The following ADAMTS6 variants were observed in gnomAD, a reference collection of about 807,000 sequenced individuals.
ADAMTS6 encodes the protein ADAM metallopeptidase with thrombospondin type 1 motif 6, also known as A disintegrin and metalloproteinase with thrombospondin motifs 6.
Under a neutral mutation model 144.3 loss-of-function variants are expected in ADAMTS6, and 23 were observed. That is an observed-to-expected ratio of 0.16 (90% CI 0.11 to 0.23). ADAMTS6 has a LOEUF of 0.23. ADAMTS6 is among the 10% of genes least tolerant of loss of function. The pLI, the probability that ADAMTS6 is intolerant of heterozygous loss-of-function variation, is 1.00. For missense variants in ADAMTS6, 999 were observed against 1,379.6 expected (o/e 0.72, Z 4.37); for synonymous variants, 444 against 457.5 (o/e 0.97, Z 0.38).
intron 9 of ADAMTS6, among the ~76,000 whole-genome samples, chr5:65,319,791 A>G (rs1170186851): frequency 6.6e-6 from 1 of 150,698 alleles, no homozygotes; most frequent in Non-Finnish European, 1.5e-5. Context: ...GAAGGAAGAG[A>G]GGAAGGAAAT....
At chr5:65,186,210 A>G (rs1400736807) in intron 22 of ADAMTS6, among the ~76,000 whole-genome samples, 3 of 152,034 alleles carry the variant, frequency 2.0e-5, no homozygotes, top group Non-Finnish European at 2.9e-5. Context: ...ATACCCCTCC[A>G]TATTCAGCTT....
chr5:65,369,648 G>A (rs1404624873), intron 7 of ADAMTS6, among the ~76,000 whole-genome samples: 1 of 151,530 alleles, frequency 6.6e-6, no homozygotes, highest in Non-Finnish European at 1.5e-5. Context: ...CACTCATATA[G>A]CCTTATGATA....
intron 20 of ADAMTS6, among the ~76,000 whole-genome samples, chr5:65,202,407 C>G (rs902040057): frequency 3.3e-5 from 5 of 152,156 alleles, no homozygotes; most frequent in African/African-American, 7.2e-5. Context: ...TAAGAGTAAT[C>G]TTTTCCATAT....
chr5:65,480,856 T>C (rs1018700905), intron 1 of ADAMTS6, among the ~76,000 whole-genome samples: 1 of 152,278 alleles, frequency 6.6e-6, no homozygotes, highest in Non-Finnish European at 1.5e-5. Flanking sequence ...GGGCTACAGC[T>C]AGCACATTAA....
chr5:65,307,476 C>T (rs779271809), intron 9 of ADAMTS6, among the ~76,000 whole-genome samples: 2 of 152,202 alleles, frequency 1.3e-5, no homozygotes, highest in African/African-American at 2.4e-5. Context: ...ACCTAATCAA[C>T]AGTCTCTTAT....
At chr5:65,412,816 G>A (rs1755160759) in intron 7 of ADAMTS6, among the ~76,000 whole-genome samples, 1 of 152,078 alleles carries the variant, frequency 6.6e-6, no homozygotes, top group African/African-American at 2.4e-5. Context: ...AGCAGTTGAA[G>A]TAATTGAAAA....
intron 1 of ADAMTS6, among the ~76,000 whole-genome samples, chr5:65,479,144 T>C (rs1761037031): frequency 6.6e-6 from 1 of 152,228 alleles, no homozygotes; most frequent in African/African-American, 2.4e-5. Context: ...TTGGTCTCCA[T>C]GGAAGAAACA....
At chr5:65,262,111 C>T (rs1172549524) in intron 13 of ADAMTS6, among the ~76,000 whole-genome samples, 8 of 152,180 alleles carry the variant, frequency 5.3e-5, no homozygotes, top group Non-Finnish European at 7.4e-5. Context: ...CTAGAGGAAC[C>T]GTTCACCTGT....
In ADAMTS6 at chr5:65,365,512, T is replaced by C. The variant is rs895616667; in HGVS notation, c.1074-31427A>G. 2.6e-5 allele frequency among the ~76,000 whole-genome samples: 4 copies of C among 152,038 alleles called. No individual in the cohort carries two copies. The South Asian group carries it at 6.2e-4, about 24-fold the overall frequency. On this transcript the variant is annotated intron_variant, in intron 7 of 24. Coordinates refer to ENST00000381055, the MANE Select transcript of ADAMTS6 (RefSeq NM_197941.4). ...AACACAAAAAATTAGCCAGTCATGG[T>C]GGCACATGCCTGTAATCTCAGTTAC... is the stretch of plus-strand genomic sequence containing the variant.
chr5:65,327,836 A>G (rs1013114506), intron 9 of ADAMTS6, among the ~76,000 whole-genome samples: 3 of 152,212 alleles, frequency 2.0e-5, no homozygotes, highest in Admixed American at 1.3e-4. Context: ...TTGTGACTAC[A>G]TAAGATAATA....
chr5:65,239,526 T>C (rs1580154341), intron 15 of ADAMTS6, among the ~76,000 whole-genome samples: 1 of 151,980 alleles, frequency 6.6e-6, no homozygotes, highest in East Asian at 1.9e-4. Context: ...CAAAACACAA[T>C]GACCAGAAAG....
At chr5:65,464,212 A>T (rs1759830119) in intron 3 of ADAMTS6, among the ~76,000 whole-genome samples, 1 of 152,220 alleles carries the variant, frequency 6.6e-6, no homozygotes, top group African/African-American at 2.4e-5. Flanking sequence ...CTAAGGGTGA[A>T]ACCTAAGGAC....
intron 11 of ADAMTS6, among the ~76,000 whole-genome samples, chr5:65,288,787 T>C (rs150191569): frequency 7.0e-4 from 107 of 152,330 alleles, no homozygotes; most frequent in African/African-American, 2.4e-3. Flanking sequence ...ATGCTACACT[T>C]AGACAGCTAC....
intron 7 of ADAMTS6, among the ~76,000 whole-genome samples, chr5:65,380,093 G>A (rs1279454331): frequency 6.6e-6 from 1 of 151,930 alleles, no homozygotes; most frequent in African/African-American, 2.4e-5. Context: ...GTTACACCAA[G>A]AAAATATAAA....
chr5:65,265,665 T>C (rs1032500874), intron 12 of ADAMTS6, among the ~76,000 whole-genome samples: 1 of 152,018 alleles, frequency 6.6e-6, no homozygotes, highest in African/African-American at 2.4e-5. Flanking sequence ...AATTGGAAAC[T>C]TAGCATTATT....
At position 65,472,974 on chromosome 5, in the gene ADAMTS6, G is replaced by GA. The variant is rs1760579140; in HGVS notation, c.97+602dup. ...CCTCTCAATAATTCTATAAGGACTGGACTGGTCCATGGAAAACAAAATGAC... is the reference window on the plus strand; with the variant it reads ...CCTCTCAATAATTCTATAAGGACTGGAACTGGTCCATGGAAAACAAAATGAC... On this transcript the variant is annotated intron_variant, in intron 2 of 24. Coordinates refer to ENST00000381055, the MANE Select transcript of ADAMTS6 (RefSeq NM_197941.4). 2.6e-5 allele frequency among the ~76,000 whole-genome samples: 4 copies of GA among 152,206 alleles called. No homozygotes were observed. The South Asian group carries it at 8.3e-4, about 32-fold the overall frequency.
chr5:65,314,224 T>C (rs1228398806), intron 9 of ADAMTS6, among the ~76,000 whole-genome samples: 1 of 152,156 alleles, frequency 6.6e-6, no homozygotes, highest in East Asian at 1.9e-4. Context: ...GATGAATGTC[T>C]GAACATGCTA....
chr5:65,399,552 T>TA (rs1182166882), intron 7 of ADAMTS6, among the ~76,000 whole-genome samples: 1 of 152,150 alleles, frequency 6.6e-6, no homozygotes, highest in East Asian at 1.9e-4. Context: ...GTGGTTACTC[T>TA]AGAGTTTGCA....
At chr5:65,409,564 G>C (rs1580637712) in intron 7 of ADAMTS6, among the ~76,000 whole-genome samples, 2 of 152,266 alleles carry the variant, frequency 1.3e-5, no homozygotes, top group East Asian at 3.9e-4. Context: ...AATTCTACCA[G>C]AGGTACAAGG....
Sources: gnomAD v4.1 joint callset for allele counts (sites outside exome capture counted in the v4.1 genomes callset) on GRCh38, gnomAD v4.1.1 for gene constraint, MANE v1.5 for transcripts, NCBI Gene and HGNC (gene_info 2026-07-23, HGNC 2026-07-21) for gene names.